Variants in HMCN2 observed in about 807,000 individuals in gnomAD.
The protein encoded by HMCN2 is hemicentin 2.
In HMCN2, 325 loss-of-function variants were observed where a neutral mutation model predicts 377.5. The observed-to-expected ratio is 0.86, with a 90% CI of 0.79 to 0.94. HMCN2 has a LOEUF of 0.94. Among genes scored for constraint, HMCN2 ranks in the 40% least tolerant of loss-of-function variants. The probability of loss-of-function intolerance (pLI) is 0.00; values close to 1 mark genes in which losing one functional copy is unlikely to be tolerated. For missense variants in HMCN2, 4,543 were observed against 4,725.3 expected, an observed-to-expected ratio of 0.96 and a Z score of 1.13; for synonymous variants, 2,007 against 2,046.8, an observed-to-expected ratio of 0.98 and a Z score of 0.53.
chr9:130,348,257 G>A (rs964777667), intron 26 of HMCN2, among the ~76,000 whole-genome samples: 1 of 152,260 alleles, frequency 6.6e-6, no homozygotes, highest in Non-Finnish European at 1.5e-5. Flanking sequence ...GTGACACCAG[G>A]TTGGGTGTAG....
chr9:130,282,900 G>A (rs782559581), intron 1 of HMCN2, among the ~76,000 whole-genome samples: 5 of 152,034 alleles, frequency 3.3e-5, no homozygotes, highest in Non-Finnish European at 5.9e-5. Flanking sequence ...GCGAAACCCC[G>A]TCTCTACTAA....
At position 130,406,056 on chromosome 9, in the gene HMCN2, C is replaced by G; in HGVS notation, c.12441C>G (p.Thr4147=). The G allele has an allele frequency of 7.8e-7, 1 of 1,289,878 alleles. No individual in the cohort carries two copies. Among genetic ancestry groups the G allele is most frequent in the Non-Finnish European group, 1.0e-6 (1 of 988,880 alleles). 79.9% of individuals were successfully genotyped at this position (1,289,878 alleles called of 1,614,324 possible). A position where few individuals can be genotyped will look rare whatever the true frequency, so the allele number is the denominator to read the frequency against. Residue 4147 remains threonine, a synonymous_variant, in exon 82 of 98, where the codon ACC becomes ACG. Transcript: ENST00000683500. ...TCCTGGTACTGCCTGTGTTCACCAC[C>G]CTGCCTGGGGACCGCAGCCTGCGCC... is the stretch of plus-strand genomic sequence containing the variant. ...LTILVLPVFT[T]LPGDRSLRLG...
intron 4 of HMCN2, among the ~76,000 whole-genome samples, chr9:130,291,819 C>G (rs2131301403): frequency 6.6e-6 from 1 of 152,332 alleles, no homozygotes; most frequent in East Asian, 1.9e-4. Context: ...TGTCTTCAAA[C>G]TGTCTTTGAT....
At position 130,427,605 on chromosome 9, in the gene HMCN2, A is replaced by T; in HGVS notation, c.14051A>T (p.Asp4684Val). 1 of 1,550,298 alleles carries T rather than the reference A, an allele frequency of 6.5e-7. No individual in the cohort carries two copies. Among genetic ancestry groups the T allele is most frequent in the Non-Finnish European group, 8.7e-7 (1 of 1,146,934 alleles). ...CPTGFALAWD[D>V]RNCRDVDECA... ...ACTGGCTTCGCCCTGGCCTGGGATG[A>T]CAGGAACTGCAGAGGTGAGGGAGCT... Residue 4684 changes from aspartate (D) to valine (V), a missense_variant, in exon 92 of 98, where the codon GAC becomes GTC. Coordinates refer to ENST00000683500, the MANE Select transcript of HMCN2 (RefSeq NM_001291815.2).
chr9:130,334,805 TCTCTCTCTCTC>T (rs1838650755), intron 22 of HMCN2, among the ~76,000 whole-genome samples: 1 of 149,612 alleles, frequency 6.7e-6, no homozygotes, highest in Non-Finnish European at 1.5e-5. Flanking sequence ...CTCTCTTCTC[TCTCTCTCTCTC>T]CTCTCTCTCT....
intron 60 of HMCN2, 65 bp downstream of exon 60, chr9:130,385,827 G>C: frequency 8.9e-7 from 1 of 1,122,498 alleles, no homozygotes; most frequent in Non-Finnish European, 1.2e-6. Context: ...CAGCCCTGGC[G>C]AGCTGCGGGG....
At chr9:130,388,067 C>T (rs922792274) in intron 61 of HMCN2, among the ~76,000 whole-genome samples, 2 of 152,196 alleles carry the variant, frequency 1.3e-5, no homozygotes, top group African/African-American at 2.4e-5. Context: ...GCCTGGTTGA[C>T]TCTGTTCCGC....
rs1031824447 is a variant in HMCN2 at position 130,364,721 on chromosome 9, G to A, written c.6240G>A (p.Pro2080=). 5 of 985,974 alleles carry A rather than the reference G, an allele frequency of 5.1e-6. No homozygotes were observed. In the African/African-American group the frequency reaches 7.0e-5, roughly 14 times the overall value. The allele number at this position is 985,974 out of a possible 1,614,324, so 61.1% of individuals were successfully genotyped here. A position where few individuals can be genotyped will look rare whatever the true frequency, so the allele number is the denominator to read the frequency against. ...TCCTGCCCCCTCCTGCAGTGCCCCCGAGTATCCTTGGAGAAGAGCTGAATG... is the reference window on the plus strand; with the variant it reads ...TCCTGCCCCCTCCTGCAGTGCCCCCAAGTATCCTTGGAGAAGAGCTGAATG... ...QDVVLQVHMP[P]SILGEELNVS... The change falls in exon 41 of 98, where the codon CCG becomes CCA. Residue 2080 remains proline, a synonymous_variant. Coordinates refer to ENST00000683500, the MANE Select transcript of HMCN2 (RefSeq NM_001291815.2).
At chr9:130,346,547 A>AG (rs1421643633) in intron 25 of HMCN2, among the ~76,000 whole-genome samples, 1 of 151,484 alleles carries the variant, frequency 6.6e-6, no homozygotes, top group East Asian at 2.0e-4. Context: ...AGGCTTGTGG[A>AG]GGGAGGAGCA....
At position 130,432,531 on chromosome 9, in the gene HMCN2, C is replaced by G. The variant is rs1229310123; in HGVS notation, c.14870C>G (p.Thr4957Ser). 1 of 1,550,488 alleles carries G rather than the reference C, an allele frequency of 6.4e-7. No individual in the cohort carries two copies. Among genetic ancestry groups the G allele is most frequent in the African/African-American group, 1.4e-5 (1 of 73,062 alleles). The change falls in exon 97 of 98, where the codon ACC becomes AGC. Residue 4957 changes from threonine to serine, a missense_variant. By Grantham distance (58) the Thr-to-Ser change is moderately conservative. Transcript: ENST00000683500. ...TGTGTGGACACACCCTGTCCTGCCA[C>G]CTACCGGCAGGGCCCCAGCCCTGGG... ...YQCVDTPCPATYRQGPSPGTC... is the reference protein window; with the variant it reads ...YQCVDTPCPASYRQGPSPGTC...
intron 46 of HMCN2, among the ~76,000 whole-genome samples, chr9:130,371,414 G>GAAA (rs10659347): frequency 0.087 from 12,813 of 146,666 alleles, 669 homozygotes; most frequent in Middle Eastern, 0.16. Flanking sequence ...AAGTCCTGCA[G>GAAA]AAAAAAAAAA....
chr9:130,318,042 A>T (rs1837659837), intron 15 of HMCN2, among the ~76,000 whole-genome samples: 1 of 152,144 alleles, frequency 6.6e-6, no homozygotes, highest in Admixed American at 6.5e-5. Flanking sequence ...CTGCAGGAAC[A>T]GTGACCTTGT....
chr9:130,332,361 C>T (rs1360375507), intron 22 of HMCN2, among the ~76,000 whole-genome samples: 1 of 152,182 alleles, frequency 6.6e-6, no homozygotes, highest in Non-Finnish European at 1.5e-5. Context: ...GCTCAGTGGC[C>T]GTGGACACCA....
intron 44 of HMCN2, 128 bp downstream of exon 44, chr9:130,368,565 C>A: frequency 5.4e-6 from 2 of 369,496 alleles, no homozygotes; most frequent in Non-Finnish European, 7.5e-6. Context: ...CCCTCACGTT[C>A]CTGGTGTGTG....
chr9:130,364,892 G>A lies in HMCN2; in HGVS notation c.6408+3G>A. ...CCGCAGACAAAGCCTTGCTGCAGGT[G>A]TGCAGGCCCCTGGCCAGCCAAGCAG... is the stretch of plus-strand genomic sequence containing the variant. On this transcript the variant is annotated splice_donor_region_variant and intron_variant, in intron 41 of 97. Coordinates refer to ENST00000683500, the MANE Select transcript of HMCN2 (RefSeq NM_001291815.2). 1.2e-5 allele frequency: 12 copies of A among 985,858 alleles called. No individual in the cohort carries two copies. In the South Asian group the frequency reaches 4.2e-4, roughly 35 times the overall value. The allele number at this position is 985,858 out of a possible 1,614,324, so 61.1% of individuals were successfully genotyped here.
intron 2 of HMCN2, among the ~76,000 whole-genome samples, 196 bp downstream of exon 2, chr9:130,284,869 T>C (rs1554927031): frequency 6.6e-6 from 1 of 152,220 alleles, no homozygotes; most frequent in Admixed American, 6.5e-5. Context: ...GAAGTACTCG[T>C]CACGGTGCTG....
rs894561401 is a variant in HMCN2 at position 130,358,543 on chromosome 9, G to A, written c.5677+57G>A. 44 of 1,301,148 alleles carry A rather than the reference G, an allele frequency of 3.4e-5. No individual in the cohort carries two copies. In the African/African-American group the frequency reaches 6.5e-4, roughly 19 times the overall value. 80.6% of individuals were successfully genotyped at this position (1,301,148 alleles called of 1,614,324 possible). A position where few individuals can be genotyped will look rare whatever the true frequency, so the allele number is the denominator to read the frequency against. ...CCAGCATGTTGGGTGATCCCTTGGGGACCCTTGGGGCTGAAGTGTGTGGCG... is the reference window on the plus strand; with the variant it reads ...CCAGCATGTTGGGTGATCCCTTGGGAACCCTTGGGGCTGAAGTGTGTGGCG... On this transcript the variant is annotated intron_variant, in intron 36 of 97. Transcript: ENST00000683500.
At position 130,368,497 on chromosome 9, in the gene HMCN2, T is replaced by C. The variant is rs372642529; in HGVS notation, c.6787+60T>C. 7 of 933,082 alleles carry C rather than the reference T, an allele frequency of 7.5e-6. No individual in the cohort carries two copies. The African/African-American group carries it at 1.2e-4, about 17-fold the overall frequency. The allele number at this position is 933,082 out of a possible 1,614,324, so 57.8% of individuals were successfully genotyped here. On this transcript the variant is annotated intron_variant, in intron 44 of 97. Transcript: ENST00000683500. ...GATCATGGACTGGCTGGGCAGGCGC[T>C]GCCCTGAAATTGGAGCAAATACGGG...
intron 61 of HMCN2, among the ~76,000 whole-genome samples, chr9:130,387,765 A>G (rs1842099863): frequency 6.6e-6 from 1 of 152,166 alleles, no homozygotes. Flanking sequence ...TGAGCCATAC[A>G]CAACACAATC....
Sources: gnomAD v4.1 joint callset for allele counts (sites outside exome capture counted in the v4.1 genomes callset) on GRCh38, gnomAD v4.1.1 for gene constraint, MANE v1.5 for transcripts, NCBI Gene and HGNC (gene_info 2026-07-23, HGNC 2026-07-21) for gene names.